Variants in TNFSF11 observed in about 807,000 individuals in gnomAD.
TNFSF11 encodes the protein tumor necrosis factor ligand superfamily member 11.
Under a neutral mutation model 32.2 loss-of-function variants are expected in TNFSF11, and 12 were observed. That is an observed-to-expected ratio of 0.37 (90% CI 0.24 to 0.60). The LOEUF (loss-of-function observed/expected upper bound fraction) is 0.60, where lower values mean the gene tolerates loss of function less well. Among genes scored for constraint, TNFSF11 ranks in the 20% least tolerant of loss-of-function variants. The probability of loss-of-function intolerance (pLI) is 0.66; values close to 1 mark genes in which losing one functional copy is unlikely to be tolerated. For missense variants in TNFSF11, 345 were observed against 398.0 expected, an observed-to-expected ratio of 0.87 and a Z score of 1.13; for synonymous variants, 172 against 152.1, an observed-to-expected ratio of 1.13 and a Z score of -0.96.
chr13:42,596,333 T>C (rs2137895085), intron 2 of TNFSF11, among the ~76,000 whole-genome samples: 1 of 152,282 alleles, frequency 6.6e-6, no homozygotes, highest in Non-Finnish European at 1.5e-5. Flanking sequence ...TTTTCTGATG[T>C]CCCGGCTCCT....
At chr13:42,593,692 TGAAGGG>T (rs767977484) in intron 2 of TNFSF11, among the ~76,000 whole-genome samples, 40 of 152,362 alleles carry the variant, frequency 2.6e-4, no homozygotes, top group Non-Finnish European at 4.1e-4. Flanking sequence ...AAGAATTACA[TGAAGGG>T]TATCATTAAG....
chr13:42,580,004 A>G (rs936380008), intron 1 of TNFSF11, among the ~76,000 whole-genome samples: 1 of 152,146 alleles, frequency 6.6e-6, no homozygotes, highest in Non-Finnish European at 1.5e-5. Context: ...TGGTTGGTTA[A>G]TAAACTAACA....
At chr13:42,596,693 T>G (rs770736904) in intron 2 of TNFSF11, among the ~76,000 whole-genome samples, 7 of 152,202 alleles carry the variant, frequency 4.6e-5, no homozygotes, top group Non-Finnish European at 8.8e-5. Context: ...TGTCTACAAA[T>G]GTAAGAGGTT....
intron 2 of TNFSF11, among the ~76,000 whole-genome samples, chr13:42,583,448 A>G (rs73174434): frequency 0.24 from 24,816 of 102,618 alleles, 4,293 homozygotes; most frequent in Non-Finnish European, 0.35. Context: ...AGAAAGGAAG[A>G]AAGGAAGGAA....
At chr13:42,599,366 A>ATCTC (rs1869028396) in intron 2 of TNFSF11, among the ~76,000 whole-genome samples, 2 of 150,888 alleles carry the variant, frequency 1.3e-5, no homozygotes, top group Non-Finnish European at 3.0e-5. Flanking sequence ...CTATCTATCT[A>ATCTC]TCTATCTATC....
chr13:42,594,046 T>G (rs1447545340), intron 2 of TNFSF11, among the ~76,000 whole-genome samples: 1 of 152,216 alleles, frequency 6.6e-6, no homozygotes, highest in Non-Finnish European at 1.5e-5. Flanking sequence ...GAGAATGTTC[T>G]CAGTTGGAGC....
At chr13:42,570,707 T>C (rs1873034066), upstream of TNFSF11, among the ~76,000 whole-genome samples, 1 of 152,198 alleles carries the variant, frequency 6.6e-6, no homozygotes, top group Non-Finnish European at 1.5e-5. Flanking sequence ...AAACAAATTG[T>C]TATAATAATA....
At chr13:42,569,928 A>C (rs947540387), upstream of TNFSF11, among the ~76,000 whole-genome samples, 10 of 152,002 alleles carry the variant, frequency 6.6e-5, no homozygotes, top group African/African-American at 2.4e-4. Context: ...TTTTTTTTGA[A>C]AATCTGTTTT....
In TNFSF11 at chr13:42,606,727, C is replaced by T; in HGVS notation, c.763C>T (p.Leu255=). 2 of 1,614,180 alleles carry T rather than the reference C, an allele frequency of 1.2e-6. No homozygotes were observed. Among genetic ancestry groups the T allele is most frequent in the Non-Finnish European group, 1.7e-6 (2 of 1,180,052 alleles). Residue 255 remains leucine (L), a synonymous_variant, in exon 5 of 5, where the codon CTG becomes TTG. Transcript: ENST00000398795. Reference sequence around the variant, plus strand: ...CATCAAAATCCCAAGTTCTCATACCCTGATGAAAGGAGGAAGCACCAAGTA... The same window carrying T: ...CATCAAAATCCCAAGTTCTCATACCTTGATGAAAGGAGGAAGCACCAAGTA... ...TSIKIPSSHT[L]MKGGSTKYWS...
intron 2 of TNFSF11, among the ~76,000 whole-genome samples, chr13:42,569,127 C>T (rs190753331): frequency 3.9e-5 from 6 of 152,210 alleles, no homozygotes; most frequent in East Asian, 3.9e-4. Flanking sequence ...CCCCAGACTC[C>T]GTGACTATGT....
chr13:42,566,058 G>A (rs1398606538), intron 1 of TNFSF11, among the ~76,000 whole-genome samples: 5 of 152,150 alleles, frequency 3.3e-5, no homozygotes. Context: ...AGAAGAGCAC[G>A]GGCCAACTTC....
chr13:42,588,575 C>T (rs377729401), intron 2 of TNFSF11, among the ~76,000 whole-genome samples: 17 of 152,102 alleles, frequency 1.1e-4, no homozygotes, highest in Admixed American at 2.0e-4. Flanking sequence ...CTACCAGCAG[C>T]GGCAGGAGAG....
At chr13:42,592,098 C>A (rs1239142708) in intron 2 of TNFSF11, among the ~76,000 whole-genome samples, 1 of 152,178 alleles carries the variant, frequency 6.6e-6, no homozygotes, top group African/African-American at 2.4e-5. Flanking sequence ...CTGTCTGACA[C>A]CAAATATGTG....
chr13:42,602,440 G>T (rs1421240753), intron 4 of TNFSF11, among the ~76,000 whole-genome samples: 2 of 152,172 alleles, frequency 1.3e-5, no homozygotes, highest in African/African-American at 4.8e-5. Flanking sequence ...TTCAAGTTTT[G>T]CTAAGTTATT....
intron 2 of TNFSF11, 112 bp from the exon 3 acceptor site, chr13:42,600,640 C>G: frequency 8.5e-7 from 1 of 1,180,952 alleles, no homozygotes; most frequent in Non-Finnish European, 1.2e-6. Context: ...TACTATGGCA[C>G]CTTTGGAAGG....
chr13:42,588,702 G>A (rs1241820774), intron 2 of TNFSF11, among the ~76,000 whole-genome samples: 1 of 152,178 alleles, frequency 6.6e-6, no homozygotes, highest in Non-Finnish European at 1.5e-5. Flanking sequence ...AAGTCCTCCA[G>A]ATCTATCAGT....
chr13:42,581,984 A>G (rs1335713223), intron 2 of TNFSF11, among the ~76,000 whole-genome samples: 1 of 152,170 alleles, frequency 6.6e-6, no homozygotes, highest in Non-Finnish European at 1.5e-5. Flanking sequence ...GCAGCCCAAG[A>G]ATTATTTTAC....
At chr13:42,576,494 A>G (rs749246838) in intron 1 of TNFSF11, among the ~76,000 whole-genome samples, 19 of 152,152 alleles carry the variant, frequency 1.2e-4, no homozygotes, top group Non-Finnish European at 2.2e-4. Context: ...CTAGCCAGAA[A>G]ATATACCTTT....
At chr13:42,579,415 CAA>C (rs34345592) in intron 1 of TNFSF11, among the ~76,000 whole-genome samples, 36 of 112,896 alleles carry the variant, frequency 3.2e-4, no homozygotes, top group African/African-American at 6.7e-4. Flanking sequence ...ACCCTGTCTT[CAA>C]AAAAAAAAAA....
Sources: allele counts gnomAD v4.1 joint callset (sites outside exome capture counted in the v4.1 genomes callset), GRCh38; gene constraint gnomAD v4.1.1; transcripts MANE v1.5; gene names NCBI Gene and HGNC (gene_info 2026-07-23, HGNC 2026-07-21).